SGCG: variants seen among roughly 807,000 people sequenced by gnomAD.
The protein encoded by SGCG is sarcoglycan gamma, also known as gamma-sarcoglycan.
A neutral mutation model predicts 29.3 loss-of-function variants in SGCG; 26 were observed. The observed-to-expected ratio is 0.89, with a 90% CI of 0.65 to 1.23. The LOEUF is 1.23. Among genes scored for constraint, SGCG ranks in the 50% most tolerant of loss-of-function variants. The pLI, the probability that SGCG is intolerant of heterozygous loss-of-function variation, is 0.00. For synonymous variants in SGCG, 145 were observed against 129.7 expected, an observed-to-expected ratio of 1.12 and a Z score of -0.80; for missense variants, 353 against 356.0, an observed-to-expected ratio of 0.99 and a Z score of 0.07.
At chr13:23,277,392 C>T (rs568057795) in intron 4 of SGCG, among the ~76,000 whole-genome samples, 1 of 146,808 alleles carries the variant, frequency 6.8e-6, no homozygotes, top group African/African-American at 2.5e-5. Flanking sequence ...TTACAAATAC[C>T]AAAAAATAAA....
At position 23,324,450 on chromosome 13, in the gene SGCG, A is replaced by ACGAAAT; in HGVS notation, c.787_792dup (p.Glu263_Ile264dup). ...CCCTCTGGCAGCTCACAGAGCCTCT[A>ACGAAAT]CGAAATCTGTGTGTGTCCAGATGGG... is the stretch of plus-strand genomic sequence containing the variant. On this transcript the variant is annotated inframe_insertion, in exon 8 of 8. Transcript: ENST00000218867. The ACGAAAT allele has an allele frequency of 6.2e-7, 1 of 1,614,028 alleles. No individual in the cohort carries two copies. Among genetic ancestry groups the ACGAAAT allele is most frequent in the South Asian group, 1.1e-5 (1 of 91,072 alleles).
At chr13:23,175,583 C>CT in the SGCG span, among the ~76,000 whole-genome samples, 1 of 152,214 alleles carries the variant, frequency 6.6e-6, no homozygotes, top group East Asian at 1.9e-4. Flanking sequence ...AGGTAGTACT[C>CT]TATTTTCTCC....
intron 4 of SGCG, among the ~76,000 whole-genome samples, chr13:23,261,510 A>G (rs139661664): frequency 2.0e-5 from 3 of 152,226 alleles, no homozygotes; most frequent in African/African-American, 7.2e-5. Flanking sequence ...ATATGGAATT[A>G]TGTAAAACAA....
intron 6 of SGCG, among the ~76,000 whole-genome samples, chr13:23,296,880 T>G (rs1228740645): frequency 6.6e-6 from 1 of 152,210 alleles, no homozygotes; most frequent in African/African-American, 2.4e-5. Flanking sequence ...AACTATTCAT[T>G]CCAATAATAT....
At chr13:23,193,311 C>T (rs777011414) in intron 1 of SGCG, among the ~76,000 whole-genome samples, 9 of 152,134 alleles carry the variant, frequency 5.9e-5, no homozygotes, top group Non-Finnish European at 1.0e-4. Context: ...AGTGGGAAGC[C>T]ACGAGTGACT....
chr13:23,245,366 A>C (rs1383070509), intron 3 of SGCG: 3 of 152,172 alleles, frequency 2.0e-5, no homozygotes, highest in Non-Finnish European at 4.4e-5. Context: ...GGTAGGGTAG[A>C]CCTAAAGATA....
chr13:23,214,998 G>C (rs981869855), intron 2 of SGCG, among the ~76,000 whole-genome samples: 1 of 152,120 alleles, frequency 6.6e-6, no homozygotes, highest in Non-Finnish European at 1.5e-5. Context: ...GGTGTCTAAA[G>C]ATACAAATAG....
At chr13:23,180,339 AAACAC>A (rs1345079128), upstream of SGCG, among the ~76,000 whole-genome samples, 2 of 96,236 alleles carry the variant, frequency 2.1e-5, no homozygotes, top group Admixed American at 1.2e-4. Context: ...ATAATTTGTT[AAACAC>A]AATAGAAATG....
intron 2 of SGCG, among the ~76,000 whole-genome samples, chr13:23,231,035 TGA>T (rs1434903725): frequency 6.6e-6 from 1 of 152,218 alleles, no homozygotes; most frequent in Non-Finnish European, 1.5e-5. Context: ...CTACATCTAT[TGA>T]GATAATCATG....
At chr13:23,302,500 G>A (rs1372372382) in intron 6 of SGCG, among the ~76,000 whole-genome samples, 1 of 151,928 alleles carries the variant, frequency 6.6e-6, no homozygotes, top group African/African-American at 2.4e-5. Context: ...AATAACTAAA[G>A]GAGAGAATTT....
chr13:23,305,487 C>T (rs9317634), intron 6 of SGCG, among the ~76,000 whole-genome samples: 4,958 of 152,192 alleles, frequency 0.033, 251 homozygotes, highest in African/African-American at 0.11. Context: ...AGTTTTACAC[C>T]TTATTTTCCA....
intron 2 of SGCG, among the ~76,000 whole-genome samples, chr13:23,218,095 A>G (rs184803960): frequency 1.2e-3 from 184 of 152,304 alleles, no homozygotes; most frequent in Admixed American, 4.5e-3. Flanking sequence ...AAGTAGATTA[A>G]TGGAAGATGA....
intron 4 of SGCG, among the ~76,000 whole-genome samples, chr13:23,273,513 T>C (rs1015890915): frequency 2.0e-5 from 3 of 152,200 alleles, no homozygotes; most frequent in African/African-American, 7.2e-5. Flanking sequence ...CAGAGATGTT[T>C]AGTACAATGA....
At chr13:23,258,338 GCT>G in intron 4 of SGCG, among the ~76,000 whole-genome samples, 1 of 152,144 alleles carries the variant, frequency 6.6e-6, no homozygotes. Flanking sequence ...TCATGATTTG[GCT>G]CTCTGTTTGT....
intron 5 of SGCG, among the ~76,000 whole-genome samples, chr13:23,280,445 T>C (rs936213103): frequency 2.0e-5 from 3 of 152,206 alleles, no homozygotes; most frequent in African/African-American, 7.2e-5. Flanking sequence ...GACTCCACCC[T>C]ATTACAGGCC....
chr13:23,248,188 C>CA (rs1190193957), intron 3 of SGCG, among the ~76,000 whole-genome samples: 3 of 151,046 alleles, frequency 2.0e-5, no homozygotes, highest in Non-Finnish European at 4.4e-5. Context: ...TTTTCCTTTC[C>CA]AAAAAAAATT....
At chr13:23,265,570 C>A (rs1044936638) in intron 4 of SGCG, among the ~76,000 whole-genome samples, 1 of 151,784 alleles carries the variant, frequency 6.6e-6, no homozygotes, top group African/African-American at 2.4e-5. Flanking sequence ...GAGTGAGACT[C>A]CGTCTCAAAA....
At chr13:23,293,433 TATC>T (rs1881791445) in intron 5 of SGCG, among the ~76,000 whole-genome samples, 1 of 152,234 alleles carries the variant, frequency 6.6e-6, no homozygotes, top group Non-Finnish European at 1.5e-5. Flanking sequence ...CGTGGGTTTT[TATC>T]ATATCTTCAT....
chr13:23,316,293 T>C lies in SGCG; in HGVS notation c.579-4344T>C, dbSNP rs148950200. Among the ~76,000 whole-genome samples the C allele has an allele frequency of 6.6e-3, 1,011 of 152,314 alleles. 8 individuals are homozygous for C. The highest frequency in any genetic ancestry group is 0.023 in the African/African-American group (956 of 41,564). ...GGGTTTGCCTATCCTGCATGCAATGTTTCTGCCAAGACTACTATCTGTAGA... is the reference window on the plus strand; with the variant it reads ...GGGTTTGCCTATCCTGCATGCAATGCTTCTGCCAAGACTACTATCTGTAGA... On this transcript the variant is annotated intron_variant, in intron 6 of 7. Transcript: ENST00000218867.
Sources: allele counts gnomAD v4.1 joint callset (sites outside exome capture counted in the v4.1 genomes callset), GRCh38; gene constraint gnomAD v4.1.1; transcripts MANE v1.5; gene names NCBI Gene and HGNC (gene_info 2026-07-23, HGNC 2026-07-21).